PML: variants seen among roughly 807,000 people sequenced by gnomAD.
PML encodes PML nuclear body scaffold, also known as protein PML.
In PML, 28 loss-of-function variants were observed where a neutral mutation model predicts 65.2. That is an observed-to-expected ratio of 0.43 (90% CI 0.32 to 0.59). The LOEUF is 0.59. Among genes scored for constraint, PML ranks in the 20% least tolerant of loss-of-function variants. The pLI, the probability that PML is intolerant of heterozygous loss-of-function variation, is 0.08. For missense variants in PML, 1,021 were observed against 1,203.4 expected, an observed-to-expected ratio of 0.85 and a Z score of 2.24; for synonymous variants, 500 against 508.8, an observed-to-expected ratio of 0.98 and a Z score of 0.23.
At chr15:74,002,511 T>TCGG (rs959763491) in intron 2 of PML, among the ~76,000 whole-genome samples, 7 of 147,272 alleles carry the variant, frequency 4.8e-5, no homozygotes, top group Admixed American at 2.1e-4. Context: ...TGGCATGATC[T>TCGG]CGGCTCACTG....
At chr15:74,030,738 C>T (rs999397576) in intron 4 of PML, among the ~76,000 whole-genome samples, 1 of 152,106 alleles carries the variant, frequency 6.6e-6, no homozygotes, top group Admixed American at 6.5e-5. Context: ...GAAATCACTT[C>T]ACCTCTCTCT....
At chr15:74,030,923 T>G (rs972014334) in intron 4 of PML, among the ~76,000 whole-genome samples, 2 of 152,204 alleles carry the variant, frequency 1.3e-5, no homozygotes, top group Admixed American at 1.3e-4. Context: ...TTTTAATTTT[T>G]TTTCTTTGCA....
intron 4 of PML, chr15:74,027,278 G>T (rs1225614881): frequency 6.6e-6 from 1 of 152,178 alleles, no homozygotes; most frequent in Non-Finnish European, 1.5e-5. Context: ...AAGGCCAGGT[G>T]TGGTGGCTCA....
intron 2 of PML, among the ~76,000 whole-genome samples, chr15:74,012,590 A>C (rs1392716254): frequency 1.3e-5 from 2 of 152,222 alleles, no homozygotes; most frequent in Non-Finnish European, 2.9e-5. Flanking sequence ...GATTACAGGC[A>C]GAAGCCACCA....
intron 3 of PML, among the ~76,000 whole-genome samples, chr15:74,024,650 C>A (rs2070993541): frequency 6.6e-6 from 1 of 152,208 alleles, no homozygotes; most frequent in South Asian, 2.1e-4. Context: ...ACCTCCTTTT[C>A]CCTTCTGGCT....
At chr15:74,003,325 G>A (rs1449316226) in intron 2 of PML, among the ~76,000 whole-genome samples, 8 of 151,996 alleles carry the variant, frequency 5.3e-5, no homozygotes, top group Admixed American at 2.6e-4. Flanking sequence ...CCAGCTACTC[G>A]GGAGGCTGAG....
intron 1 of PML, among the ~76,000 whole-genome samples, chr15:73,995,954 A>G (rs2069477036): frequency 6.6e-6 from 1 of 151,962 alleles, no homozygotes; most frequent in Non-Finnish European, 1.5e-5. Flanking sequence ...GGGTTTCACT[A>G]TGTTGGCCAG....
In PML at chr15:73,998,181, G is replaced by T. The variant is rs570405596; in HGVS notation, c.307G>T (p.Ala103Ser). 5.6e-6 allele frequency: 9 copies of T among 1,614,186 alleles called. No individual in the cohort carries two copies. Among genetic ancestry groups the T allele is most frequent in the Admixed American group, 1.7e-5 (1 of 60,032 alleles). ...APWPLGADTPALDNVFFESLQ... is the reference protein window; with the variant it reads ...APWPLGADTPSLDNVFFESLQ... ...CTGGCCCCTAGGTGCAGACACACCC[G>T]CCCTGGATAACGTCTTTTTCGAGAG... The change falls in exon 2 of 9, where the codon GCC (alanine) becomes TCC (serine). Residue 103 changes from alanine to serine, a missense_variant. Coordinates refer to ENST00000268058, the MANE Select transcript of PML (RefSeq NM_033238.3).
chr15:74,033,174 A>G lies in PML; in HGVS notation c.1417A>G (p.Thr473Ala). 1 of 1,614,128 alleles carries G rather than the reference A, an allele frequency of 6.2e-7. No individual in the cohort carries two copies. The highest frequency in any genetic ancestry group is 8.5e-7 in the Non-Finnish European group (1 of 1,179,998). The stretch of plus-strand genomic sequence containing the variant: ...TATGCAGGATGTCTCCAATACAACG[A>G]CAGCCCAGAAGAGGAAGTGCAGCCA... ...SYGEDVSNTTTAQKRKCSQTQ... is the reference protein window; with the variant it reads ...SYGEDVSNTTAAQKRKCSQTQ... Residue 473 changes from threonine to alanine, a missense_variant, in exon 6 of 9, where the codon ACA (threonine) becomes GCA (alanine). Transcript: ENST00000268058.
chr15:73,994,889 C>G lies in PML; in HGVS notation c.77C>G (p.Pro26Arg), dbSNP rs781165510. Residue 26 changes from proline (P) to arginine (R), a missense_variant, in exon 1 of 9, where the codon CCC (proline) becomes CGC (arginine). Coordinates refer to ENST00000268058, the MANE Select transcript of PML (RefSeq NM_033238.3). ...ARPQEPTMPP[P>R]ETPSEGRQPS... ...CCCCAGGAGCCCACCATGCCTCCCC[C>G]CGAGACCCCCTCTGAAGGCCGCCAG... The G allele has an allele frequency of 1.9e-5, 29 of 1,552,564 alleles. No homozygotes were observed. The highest frequency in any genetic ancestry group is 2.4e-5 in the East Asian group (1 of 41,320).
intron 2 of PML, among the ~76,000 whole-genome samples, chr15:74,009,163 A>G (rs750784223): frequency 2.0e-5 from 3 of 152,140 alleles, no homozygotes; most frequent in Non-Finnish European, 4.4e-5. Flanking sequence ...AGGTGGAGCT[A>G]AGTCCTGTCT....
chr15:73,998,193 G>A lies in PML; in HGVS notation c.319G>A (p.Val107Ile), dbSNP rs1251227417. Residue 107 changes from valine to isoleucine, a missense_variant, in exon 2 of 9, where the codon GTC becomes ATC. Transcript: ENST00000268058. ...TGCAGACACACCCGCCCTGGATAAC[G>A]TCTTTTTCGAGAGTCTGCAGCGGCG... The part of the protein sequence containing the change: ...LGADTPALDN[V>I]FFESLQRRLS... The A allele has an allele frequency of 2.5e-6, 4 of 1,614,126 alleles. No homozygotes were observed. Among genetic ancestry groups the A allele is most frequent in the East Asian group, 2.2e-5 (1 of 44,898 alleles).
At chr15:74,003,956 C>A (rs1276827837) in intron 2 of PML, among the ~76,000 whole-genome samples, 4 of 152,168 alleles carry the variant, frequency 2.6e-5, no homozygotes, top group African/African-American at 9.7e-5. Context: ...GTGTAAAATT[C>A]TGAGGTCATA....
intron 4 of PML, chr15:74,025,401 C>A: frequency 5.7e-6 from 1 of 175,438 alleles, no homozygotes; most frequent in Non-Finnish European, 1.2e-5. Flanking sequence ...GGTGGGCCTT[C>A]CCCTGCTCTT....
At chr15:74,027,676 T>G (rs1441854829) in intron 4 of PML, 1 of 152,248 alleles carries the variant, frequency 6.6e-6, no homozygotes, top group Admixed American at 6.5e-5. Context: ...CACTGTCTTG[T>G]GTGAAGGTCT....
rs16958586 is a variant in PML at position 74,011,464 on chromosome 15, G to A, written c.603-11364G>A. Reference sequence around the variant, plus strand: ...TTAGAAAAAATGTCCAATAGCCACCGTAAATGAAAGCAAAGAAGAAAAAAA... The same window carrying A: ...TTAGAAAAAATGTCCAATAGCCACCATAAATGAAAGCAAAGAAGAAAAAAA... On this transcript the variant is annotated intron_variant, in intron 2 of 8. Coordinates refer to ENST00000268058, the MANE Select transcript of PML (RefSeq NM_033238.3). Among the ~76,000 whole-genome samples the A allele has an allele frequency of 2.6e-3, 393 of 152,250 alleles. 3 individuals carry two copies. Among genetic ancestry groups the A allele is most frequent in the African/African-American group, 8.9e-3 (371 of 41,542 alleles).
Position 74,035,147 on chromosome 15 carries a change from C to A in PML, c.1710+617C>A. The A allele has an allele frequency of 8.6e-7, 1 of 1,166,774 alleles. No homozygotes were observed. Among genetic ancestry groups the A allele is most frequent in the Non-Finnish European group, 1.3e-6 (1 of 773,436 alleles). The allele number at this position is 1,166,774 out of a possible 1,614,324, so 72.3% of individuals were successfully genotyped here. On this transcript the variant is annotated intron_variant, in intron 7 of 8. Coordinates refer to ENST00000268058, the MANE Select transcript of PML (RefSeq NM_033238.3). This position sits in a 1 kb window ranked among gnomAD's most constrained non-coding sequence, Gnocchi z 4.1. ...GGCCCCTGAGGTCTCTTCCAGCCCT[C>A]AGTCTGAGGTTCTGTATTGGAAAGT...
At chr15:74,029,918 A>G (rs917229998) in intron 4 of PML, among the ~76,000 whole-genome samples, 3 of 152,130 alleles carry the variant, frequency 2.0e-5, no homozygotes, top group African/African-American at 7.2e-5. Context: ...CAGAGAGGTC[A>G]TCCTCCTTCT....
chr15:74,018,992 C>T (rs193262418), intron 2 of PML, among the ~76,000 whole-genome samples: 4 of 152,298 alleles, frequency 2.6e-5, no homozygotes, highest in African/African-American at 4.8e-5. Context: ...GTAAAGGAAC[C>T]GCTTGGCTAA....
Sources: gnomAD v4.1 joint callset for allele counts (sites outside exome capture counted in the v4.1 genomes callset) on GRCh38, gnomAD v4.1.1 for gene constraint, Gnocchi (gnomAD v3.1) non-coding constraint, MANE v1.5 for transcripts, NCBI Gene and HGNC (gene_info 2026-07-23, HGNC 2026-07-21) for gene names.